Variants in CNTNAP5 observed in about 807,000 individuals in gnomAD.
The protein encoded by CNTNAP5 is contactin associated protein family member 5, also known as contactin-associated protein-like 5.
Under a neutral mutation model 150.2 loss-of-function variants are expected in CNTNAP5, and 72 were observed. That is an observed-to-expected ratio of 0.48 (90% CI 0.40 to 0.58). The LOEUF (loss-of-function observed/expected upper bound fraction) is 0.58, where lower values mean the gene tolerates loss of function less well. Ranked by LOEUF, CNTNAP5 falls within the 20% of genes least tolerant of loss-of-function variation. The pLI is 0.00. For synonymous variants in CNTNAP5, 672 were observed against 619.8 expected, an observed-to-expected ratio of 1.08 and a Z score of -1.25; for missense variants, 1,636 against 1,626.2, an observed-to-expected ratio of 1.01 and a Z score of -0.10.
intron 19 of CNTNAP5, among the ~76,000 whole-genome samples, chr2:124,816,928 C>T (rs1226276446): frequency 6.6e-6 from 1 of 152,136 alleles, no homozygotes; most frequent in East Asian, 1.9e-4. Flanking sequence ...TTGCCATATT[C>T]TATGTGTTTA....
At chr2:124,900,876 A>T (rs992587469) in intron 21 of CNTNAP5, among the ~76,000 whole-genome samples, 9 of 151,594 alleles carry the variant, frequency 5.9e-5, no homozygotes, top group African/African-American at 2.2e-4. Flanking sequence ...ACCAATCTGT[A>T]GCTAATGCAT....
intron 5 of CNTNAP5, among the ~76,000 whole-genome samples, chr2:124,442,988 A>G (rs1692714146): frequency 6.6e-6 from 1 of 152,126 alleles, no homozygotes; most frequent in African/African-American, 2.4e-5. Flanking sequence ...AGGCATTTAA[A>G]TAGTCATGGT....
At chr2:124,698,375 T>TACACACAAACACAC (rs1679449361) in intron 13 of CNTNAP5, among the ~76,000 whole-genome samples, 1 of 147,326 alleles carries the variant, frequency 6.8e-6, no homozygotes, top group Non-Finnish European at 1.5e-5. Flanking sequence ...GACGAGAGGA[T>TACACACAAACACAC]ACACACACAC....
intron 22 of CNTNAP5, among the ~76,000 whole-genome samples, chr2:124,903,582 C>T (rs554331058): frequency 3.2e-4 from 49 of 152,226 alleles, no homozygotes; most frequent in African/African-American, 6.3e-4. Context: ...GATAAACATG[C>T]GCATTGTGTA....
chr2:124,663,365 G>A (rs562504726), intron 13 of CNTNAP5, among the ~76,000 whole-genome samples: 145 of 152,208 alleles, frequency 9.5e-4, no homozygotes, highest in African/African-American at 3.3e-3. Context: ...AGCTATCTGA[G>A]TAATCATTCC....
chr2:124,434,747 C>T (rs1558900764), intron 5 of CNTNAP5, 60 bp downstream of exon 5: 4 of 1,418,888 alleles, frequency 2.8e-6, no homozygotes, highest in South Asian at 1.2e-5. Context: ...CTCCACAGCT[C>T]ACAGTGTCTG....
chr2:124,707,156 GAAGAA>G, intron 13 of CNTNAP5, among the ~76,000 whole-genome samples: 1 of 91,296 alleles, frequency 1.1e-5, no homozygotes, highest in African/African-American at 3.5e-5. Context: ...AGAAGAAGAA[GAAGAA>G]GAAGAAGAAG....
chr2:124,589,334 C>T (rs542366045), intron 11 of CNTNAP5, among the ~76,000 whole-genome samples: 3 of 152,228 alleles, frequency 2.0e-5, no homozygotes, highest in Admixed American at 6.5e-5. Context: ...CACGTTTTCA[C>T]GATTTATCTG....
chr2:124,305,215 C>T (rs72964627), intron 3 of CNTNAP5, among the ~76,000 whole-genome samples: 5,529 of 149,222 alleles, frequency 0.037, 365 homozygotes, highest in African/African-American at 0.13. Context: ...AAGTTTGAGA[C>T]TGTAGTAAGC....
intron 7 of CNTNAP5, among the ~76,000 whole-genome samples, chr2:124,480,422 T>G (rs1476012010): frequency 6.6e-6 from 1 of 152,206 alleles, no homozygotes; most frequent in East Asian, 1.9e-4. Context: ...TGATTATTTC[T>G]TATGGCTCTA....
At position 124,366,665 on chromosome 2, in the gene CNTNAP5, C is replaced by T. The variant is rs1690379188; in HGVS notation, c.382-50778C>T. ...CAGGTGTTATTTTAATGACAAACCACAGCAACATATTTCCAACCATTTCTT... is the reference window on the plus strand; with the variant it reads ...CAGGTGTTATTTTAATGACAAACCATAGCAACATATTTCCAACCATTTCTT... On this transcript the variant is annotated intron_variant, in intron 3 of 23. Coordinates refer to ENST00000682447, the MANE Select transcript of CNTNAP5 (RefSeq NM_001367498.1). Among the ~76,000 whole-genome samples the T allele has an allele frequency of 2.0e-5, 3 of 152,170 alleles. No homozygotes were observed. The South Asian group carries it at 6.2e-4, about 32-fold the overall frequency.
At chr2:124,424,083 C>T (rs1160445845) in intron 4 of CNTNAP5, among the ~76,000 whole-genome samples, 1 of 152,190 alleles carries the variant, frequency 6.6e-6, no homozygotes, top group Non-Finnish European at 1.5e-5. Flanking sequence ...CTGTTCCACA[C>T]AAGACCTTGC....
intron 13 of CNTNAP5, 65 bp from the exon 14 acceptor site, chr2:124,747,164 T>C: frequency 6.6e-7 from 1 of 1,509,384 alleles, no homozygotes; most frequent in South Asian, 1.2e-5. Context: ...GCTCAGTTTC[T>C]GTGCCATCCC....
At chr2:124,421,824 C>A (rs567643943) in intron 4 of CNTNAP5, among the ~76,000 whole-genome samples, 2 of 152,292 alleles carry the variant, frequency 1.3e-5, no homozygotes, top group South Asian at 4.1e-4. Flanking sequence ...TCAGAGAAGT[C>A]CCCCCGACTG....
At chr2:124,874,990 T>C (rs1321573600) in intron 21 of CNTNAP5, among the ~76,000 whole-genome samples, 1 of 152,038 alleles carries the variant, frequency 6.6e-6, no homozygotes, top group East Asian at 1.9e-4. Flanking sequence ...AAGAATTTCT[T>C]CTCAAGATGC....
Position 124,648,989 on chromosome 2 carries a change from A to T in CNTNAP5, c.2077+1031A>T, listed in dbSNP as rs6748831. On this transcript the variant is annotated intron_variant, in intron 13 of 23. Coordinates refer to ENST00000682447, the MANE Select transcript of CNTNAP5 (RefSeq NM_001367498.1). ...CAACAGAATGCCTCCTTGATCTAGG[A>T]TCTTCAGGGAAGACGTTGTTCCACG... Among the ~76,000 whole-genome samples, 248 of 152,366 alleles carry T rather than the reference A, an allele frequency of 1.6e-3. 1 individual carries two copies. Among genetic ancestry groups the T allele is most frequent in the African/African-American group, 5.8e-3 (243 of 41,594 alleles).
intron 3 of CNTNAP5, among the ~76,000 whole-genome samples, chr2:124,362,755 G>A (rs551945323): frequency 1.3e-5 from 2 of 152,232 alleles, no homozygotes; most frequent in South Asian, 4.1e-4. Context: ...CTGTACCTTT[G>A]AAGAGTTCAG....
chr2:124,495,503 A>C (rs999323290), intron 7 of CNTNAP5, among the ~76,000 whole-genome samples: 1 of 152,208 alleles, frequency 6.6e-6, no homozygotes, highest in Non-Finnish European at 1.5e-5. Context: ...GTGCCTGTGC[A>C]TAGGCAGCTG....
intron 1 of CNTNAP5, among the ~76,000 whole-genome samples, chr2:124,183,159 T>C (rs1249262564): frequency 2.0e-5 from 3 of 152,198 alleles, no homozygotes; most frequent in Non-Finnish European, 4.4e-5. Flanking sequence ...AATTGCTATA[T>C]TCCTACCACT....
Sources: allele counts gnomAD v4.1 joint callset (sites outside exome capture counted in the v4.1 genomes callset), GRCh38; gene constraint gnomAD v4.1.1; transcripts MANE v1.5; gene names NCBI Gene and HGNC (gene_info 2026-07-23, HGNC 2026-07-21).